Variants in COL24A1 observed in about 807,000 individuals in gnomAD.
COL24A1 encodes the protein collagen alpha-1(XXIV) chain.
A neutral mutation model predicts 253.9 loss-of-function variants in COL24A1; 224 were observed. The ratio of observed to expected loss-of-function variants is 0.88; its 90% CI spans 0.79 to 0.99. The LOEUF (loss-of-function observed/expected upper bound fraction) is 0.99, where lower values mean the gene tolerates loss of function less well. COL24A1 is among the 50% of genes least tolerant of loss of function. The probability of loss-of-function intolerance (pLI) is 0.00; values close to 1 mark genes in which losing one functional copy is unlikely to be tolerated. For missense variants in COL24A1, 2,131 were observed against 2,068.5 expected (o/e 1.03, Z -0.59); for synonymous variants, 685 against 673.7 (o/e 1.02, Z -0.26).
chr1:86,065,005 C>G (rs1360895476), intron 7 of COL24A1, among the ~76,000 whole-genome samples: 1 of 152,074 alleles, frequency 6.6e-6, no homozygotes, highest in Non-Finnish European at 1.5e-5. Flanking sequence ...ATCCACAAAG[C>G]TAAGTTTTTT....
chr1:86,146,816 C>A (rs1277786934), intron 1 of COL24A1, among the ~76,000 whole-genome samples: 3 of 152,026 alleles, frequency 2.0e-5, no homozygotes, highest in Non-Finnish European at 4.4e-5. Context: ...AATACCCAAT[C>A]ACTACAAATT....
intron 19 of COL24A1, among the ~76,000 whole-genome samples, chr1:86,010,329 A>T (rs75081991): frequency 0.011 from 1,668 of 152,286 alleles, 24 homozygotes; most frequent in Middle Eastern, 0.034. Context: ...GTAAAGGGCT[A>T]ATTTCCCTAA....
rs1489988335 is a variant in COL24A1, at chr1:86,126,105, T to C, written c.231A>G (p.Leu77=). The change falls in exon 3 of 60, where the codon TTA becomes TTG. Residue 77 remains leucine (L), a synonymous_variant. Coordinates refer to ENST00000370571, the MANE Select transcript of COL24A1 (RefSeq NM_152890.7). ...TTTTAAAAATGACTCCTGATTCTGT[T>C]AAATGGACCCCCTGAGGTAACGGTG... ...ASTPLPQGVH[L]TESGVIFKND... The C allele has an allele frequency of 6.2e-7, 1 of 1,613,176 alleles. No individual in the cohort carries two copies.
At chr1:85,974,015 G>A (rs1220133899) in intron 20 of COL24A1, among the ~76,000 whole-genome samples, 1 of 152,032 alleles carries the variant, frequency 6.6e-6, no homozygotes, top group Non-Finnish European at 1.5e-5. Context: ...GTGATTAAAG[G>A]TTATATTCAT....
chr1:85,791,156 C>T (rs2101666634), intron 47 of COL24A1, among the ~76,000 whole-genome samples: 1 of 152,198 alleles, frequency 6.6e-6, no homozygotes, highest in Non-Finnish European at 1.5e-5. Flanking sequence ...AAAGAAGGTT[C>T]TTTCTTTTTT....
chr1:85,886,956 C>T (rs1041477295), intron 32 of COL24A1, among the ~76,000 whole-genome samples: 7 of 151,946 alleles, frequency 4.6e-5, no homozygotes, highest in South Asian at 4.2e-4. Flanking sequence ...CTTTTGTTTC[C>T]GAGACTGTTG....
At chr1:85,807,599 T>C (rs951997458) in intron 47 of COL24A1, among the ~76,000 whole-genome samples, 3 of 152,158 alleles carry the variant, frequency 2.0e-5, no homozygotes, top group Non-Finnish European at 2.9e-5. Context: ...GTGGAAAAAT[T>C]GTAGGTCTTA....
chr1:86,043,427 T>C (rs77257288), intron 12 of COL24A1, among the ~76,000 whole-genome samples: 5,035 of 152,212 alleles, frequency 0.033, 131 homozygotes, highest in African/African-American at 0.066. Context: ...ATAAAGTACA[T>C]CTTCTAATAC....
At chr1:85,870,955 A>G (rs1253736491) in intron 35 of COL24A1, among the ~76,000 whole-genome samples, 1 of 152,198 alleles carries the variant, frequency 6.6e-6, no homozygotes, top group Non-Finnish European at 1.5e-5. Context: ...CGCTAGCAAT[A>G]CTAATAAAGA....
chr1:86,089,725 C>T (rs907095806), intron 6 of COL24A1, among the ~76,000 whole-genome samples: 8 of 152,134 alleles, frequency 5.3e-5, no homozygotes, highest in African/African-American at 1.4e-4. Flanking sequence ...GAGGCTGAGG[C>T]CGGAAAATCA....
At chr1:85,992,161 G>C (rs956194971) in intron 19 of COL24A1, among the ~76,000 whole-genome samples, 3 of 151,932 alleles carry the variant, frequency 2.0e-5, no homozygotes, top group Non-Finnish European at 4.4e-5. Context: ...CTATGAGTGA[G>C]AACATGCGGT....
At chr1:86,069,566 C>T (rs570786204) in intron 7 of COL24A1, among the ~76,000 whole-genome samples, 97 of 152,056 alleles carry the variant, frequency 6.4e-4, no homozygotes, top group Non-Finnish European at 1.0e-3. Flanking sequence ...TGGGTGAGGC[C>T]CAGTAGCTCA....
chr1:85,819,150 A>G (rs1257174911), intron 45 of COL24A1, among the ~76,000 whole-genome samples: 1 of 152,186 alleles, frequency 6.6e-6, no homozygotes, highest in Non-Finnish European at 1.5e-5. Flanking sequence ...TCACTAATGC[A>G]AAATGTTTCT....
At chr1:86,106,441 T>C (rs1445785141) in intron 5 of COL24A1, among the ~76,000 whole-genome samples, 2 of 152,142 alleles carry the variant, frequency 1.3e-5, no homozygotes, top group South Asian at 2.1e-4. Context: ...TGAATGTTTG[T>C]AGGAAGGTTT....
chr1:86,137,484 G>A (rs1205888880), intron 2 of COL24A1, among the ~76,000 whole-genome samples: 3 of 152,144 alleles, frequency 2.0e-5, no homozygotes, highest in Non-Finnish European at 2.9e-5. Flanking sequence ...GCTAGGGAGT[G>A]CAGAGGCAGA....
chr1:85,864,095 G>C (rs1447398167), intron 37 of COL24A1, among the ~76,000 whole-genome samples: 4 of 152,128 alleles, frequency 2.6e-5, no homozygotes, highest in Non-Finnish European at 5.9e-5. Context: ...AAAAACACAT[G>C]CACACGTGGG....
chr1:86,022,323 T>C (rs762369656), intron 17 of COL24A1, 30 bp from the exon 18 acceptor site: 245 of 1,547,164 alleles, frequency 1.6e-4, no homozygotes, highest in Non-Finnish European at 2.0e-4. Flanking sequence ...GAAGAGAAAG[T>C]TATTATACCA....
chr1:85,816,883 G>T lies in COL24A1; in HGVS notation c.3856C>A (p.Leu1286Ile). Reference sequence around the variant, plus strand: ...CCTTGTATGCCTTTTGGCCCAAGTAGGCCTTGAAGTCCCTTGATAATTAAA... The same window carrying T: ...CCTTGTATGCCTTTTGGCCCAAGTATGCCTTGAAGTCCCTTGATAATTAAA... ...GKPGIPGLQG[L>I]LGPKGIQGYH... is the part of the protein sequence containing the mutation. The change falls in exon 47 of 60, where the codon CTA becomes ATA. Residue 1286 changes from leucine (L) to isoleucine (I), a missense_variant. Coordinates refer to ENST00000370571, the MANE Select transcript of COL24A1 (RefSeq NM_152890.7). 1 of 1,613,146 alleles carries T rather than the reference G, an allele frequency of 6.2e-7. No individual in the cohort carries two copies. Among genetic ancestry groups the T allele is most frequent in the Non-Finnish European group, 8.5e-7 (1 of 1,179,232 alleles).
At chr1:86,095,997 C>T (rs1703867615) in intron 5 of COL24A1, among the ~76,000 whole-genome samples, 1 of 152,044 alleles carries the variant, frequency 6.6e-6, no homozygotes, top group African/African-American at 2.4e-5. Context: ...TTAGCATCTG[C>T]TCAATATAAT....
Sources: allele counts gnomAD v4.1 joint callset (sites outside exome capture counted in the v4.1 genomes callset), GRCh38; gene constraint gnomAD v4.1.1; transcripts MANE v1.5; gene names NCBI Gene and HGNC (gene_info 2026-07-23, HGNC 2026-07-21).